The following RUNX1T1 variants were observed in gnomAD, a reference collection of about 807,000 sequenced individuals.
The protein encoded by RUNX1T1 is protein CBFA2T1.
In RUNX1T1, 4 loss-of-function variants were observed where a neutral mutation model predicts 62.8. The ratio of observed to expected loss-of-function variants is 0.06; its 90% confidence interval spans 0.03 to 0.15. The LOEUF (loss-of-function observed/expected upper bound fraction) is 0.15. Among genes scored for constraint, RUNX1T1 ranks in the 10% least tolerant of loss-of-function variants. The pLI is 1.00. For missense variants in RUNX1T1, 508 were observed against 754.3 expected (o/e 0.67, Z 3.82); for synonymous variants, 291 against 286.0 (o/e 1.02, Z -0.18).
intron 10 of RUNX1T1, among the ~76,000 whole-genome samples, chr8:91,965,185 C>A: frequency 6.6e-6 from 1 of 152,150 alleles, no homozygotes; most frequent in East Asian, 1.9e-4. Flanking sequence ...CACCCATGGG[C>A]ACTGACAGCT....
upstream of RUNX1T1, among the ~76,000 whole-genome samples, chr8:92,100,085 G>C (rs1477621268): frequency 6.6e-6 from 1 of 152,118 alleles, no homozygotes; most frequent in African/African-American, 2.4e-5. Context: ...TCCCATAGCT[G>C]CAAAAATACT....
intron 2 of RUNX1T1, among the ~76,000 whole-genome samples, chr8:92,071,966 T>C (rs1291815173): frequency 1.3e-5 from 2 of 152,338 alleles, no homozygotes; most frequent in African/African-American, 4.8e-5. Context: ...GGTCTGATTT[T>C]ATTTGTCATA....
intron 1 of RUNX1T1, chr8:92,099,514 A>G: frequency 2.0e-6 from 1 of 496,072 alleles, no homozygotes; most frequent in Non-Finnish European, 2.6e-6. Flanking sequence ...CCATAAAACA[A>G]AGAACCTTTA....
chr8:91,965,657 T>C (rs1586708794), intron 10 of RUNX1T1, among the ~76,000 whole-genome samples: 1 of 152,164 alleles, frequency 6.6e-6, no homozygotes, highest in East Asian at 1.9e-4. Context: ...GGTGGGTCCA[T>C]TTCAGTCTTT....
At chr8:92,007,770 G>A (rs1031630381) in intron 4 of RUNX1T1, among the ~76,000 whole-genome samples, 1 of 151,894 alleles carries the variant, frequency 6.6e-6, no homozygotes, top group Admixed American at 6.6e-5. Flanking sequence ...AGGAGTTTGA[G>A]ACCAGCCTGG....
intron 5 of RUNX1T1, among the ~76,000 whole-genome samples, chr8:91,995,955 G>A (rs76701560): frequency 5.3e-5 from 8 of 152,166 alleles, no homozygotes; most frequent in African/African-American, 1.7e-4. Context: ...ATTGCCATTT[G>A]TCTGTCTGCT....
chr8:92,060,553 A>AATG (rs1554643056), intron 1 of RUNX1T1, among the ~76,000 whole-genome samples: 5 of 63,948 alleles, frequency 7.8e-5, no homozygotes, highest in Non-Finnish European at 1.6e-4. Context: ...ATATATATAT[A>AATG]TGTGTGTGTG....
At chr8:91,956,153 T>C (rs1312467670), downstream of RUNX1T1, 1 of 230,238 alleles carries the variant, frequency 4.3e-6, no homozygotes, top group Non-Finnish European at 8.6e-6. Context: ...GGTACTCATT[T>C]CTAATTTTAT....
intron 1 of RUNX1T1, among the ~76,000 whole-genome samples, chr8:92,021,600 A>G (rs900498709): frequency 3.9e-5 from 6 of 152,144 alleles, no homozygotes; most frequent in African/African-American, 1.4e-4. Context: ...GACTCTCTCC[A>G]CCATTAGTAG....
At chr8:91,958,946 CT>C (rs1178394100) in exon 11 of RUNX1T1, 1 of 181,024 alleles carries the variant, frequency 5.5e-6, no homozygotes, top group Non-Finnish European at 1.1e-5. Flanking sequence ...CAAAAAGAGT[CT>C]TTTTTTCCTT....
intron 5 of RUNX1T1, 42 bp from the exon 7 acceptor site, chr8:91,991,931 A>G (rs756226157): frequency 1.2e-6 from 2 of 1,607,120 alleles, no homozygotes; most frequent in South Asian, 2.2e-5. Context: ...TCATCTATTC[A>G]GAAACCAGCA....
intron 1 of RUNX1T1, among the ~76,000 whole-genome samples, chr8:92,044,036 A>T (rs72671424): frequency 6.6e-6 from 1 of 151,168 alleles, no homozygotes; most frequent in Non-Finnish European, 1.5e-5. Flanking sequence ...TAAATTCTTT[A>T]TCAGATAGTG....
At chr8:92,081,038 C>T (rs1442972484) in intron 1 of RUNX1T1, among the ~76,000 whole-genome samples, 2 of 152,180 alleles carry the variant, frequency 1.3e-5, no homozygotes, top group Non-Finnish European at 2.9e-5. Flanking sequence ...GGCCTACACA[C>T]GCGGGCCATT....
intron 1 of RUNX1T1, chr8:92,095,140 G>T: frequency 1.3e-6 from 2 of 1,535,498 alleles, no homozygotes; most frequent in Non-Finnish European, 1.7e-6. Flanking sequence ...TTCTCACTCT[G>T]CTAATCTTTA....
chr8:91,990,499 C>T lies in RUNX1T1; in HGVS notation c.910+1140G>A, dbSNP rs763068544. Among the ~76,000 whole-genome samples the T allele has an allele frequency of 4.5e-4, 68 of 152,202 alleles. 1 individual carries two copies. The highest frequency in any genetic ancestry group is 1.8e-4 in the Non-Finnish European group (12 of 68,038). ...TTGAAGACATCCCAGTAACAGTGTA[C>T]TTACTGATAACCCTCTGATACACTA... On this transcript the variant is annotated intron_variant, in intron 6 of 10. Coordinates refer to ENST00000396218, the Ensembl canonical transcript of RUNX1T1.
At chr8:92,072,393 G>C (rs1014210744) in intron 2 of RUNX1T1, among the ~76,000 whole-genome samples, 1 of 151,942 alleles carries the variant, frequency 6.6e-6, no homozygotes, top group Non-Finnish European at 1.5e-5. Flanking sequence ...CCAAACTCAG[G>C]AATATCAAAC....
intron 4 of RUNX1T1, chr8:92,010,038 C>T (rs2131084127): frequency 6.6e-6 from 1 of 152,218 alleles, no homozygotes; most frequent in South Asian, 2.1e-4. Flanking sequence ...TTACTTGAAC[C>T]TTATGTGTCT....
chr8:92,066,226 C>G (rs908099654), upstream of RUNX1T1, among the ~76,000 whole-genome samples: 2 of 152,120 alleles, frequency 1.3e-5, no homozygotes, highest in Non-Finnish European at 1.5e-5. Context: ...TCATTAAGAC[C>G]CCCCTGCTCT....
chr8:91,982,159 C>G (rs1051002373), intron 8 of RUNX1T1, among the ~76,000 whole-genome samples: 6 of 150,488 alleles, frequency 4.0e-5, no homozygotes, highest in Non-Finnish European at 8.9e-5. Context: ...GAGGTGGGAG[C>G]CCAGAAGGTC....
Sources: allele counts gnomAD v4.1 joint callset (sites outside exome capture counted in the v4.1 genomes callset), GRCh38; gene constraint gnomAD v4.1.1; transcripts MANE v1.5; gene names NCBI Gene and HGNC (gene_info 2026-07-23, HGNC 2026-07-21).